Variants in PAWR observed in about 807,000 individuals in gnomAD.
The protein encoded by PAWR is PRKC apoptosis WT1 regulator protein.
In PAWR, 23 loss-of-function variants were observed where a neutral mutation model predicts 32.0. The observed-to-expected ratio is 0.72, with a 90% CI of 0.52 to 1.02. PAWR has a LOEUF of 1.02. Ranked by LOEUF, PAWR falls within the 50% of genes least tolerant of loss-of-function variation. The pLI, the probability that PAWR is intolerant of heterozygous loss-of-function variation, is 0.00. For synonymous variants in PAWR, 226 were observed against 187.1 expected, an observed-to-expected ratio of 1.21 and a Z score of -1.70; for missense variants, 457 against 437.7, an observed-to-expected ratio of 1.04 and a Z score of -0.39.
At position 79,587,598 on chromosome 12, in the gene PAWR, CT is replaced by C. The variant is rs1393729131; in HGVS notation, c.*5008del. The stretch of plus-strand genomic sequence containing the variant: ...AACCCCACCACTAATGTATTTAGAC[CT>C]TAATATGATGGCTTTGAGTCTTAAA... On this transcript the variant is annotated 3_prime_UTR_variant, in exon 7 of 7. Coordinates refer to ENST00000328827, the MANE Select transcript of PAWR (RefSeq NM_002583.4). The C allele has an allele frequency of 1.3e-5, 2 of 152,014 alleles. No individual in the cohort carries two copies. The highest frequency in any genetic ancestry group is 3.9e-4 in the East Asian group (2 of 5,176). 9.4% of individuals were successfully genotyped at this position (152,014 alleles called of 1,614,324 possible). A position where few individuals can be genotyped will look rare whatever the true frequency, so the allele number is the denominator to read the frequency against.
chr12:79,641,772 G>A (rs1485936905), intron 2 of PAWR, among the ~76,000 whole-genome samples: 1 of 142,376 alleles, frequency 7.0e-6, no homozygotes, highest in Non-Finnish European at 1.5e-5. Flanking sequence ...ACGTGGACCA[G>A]GGAGTTGGAG....
intron 3 of PAWR, among the ~76,000 whole-genome samples, chr12:79,613,971 ATATATATATTTTTTTTTTTTTTTTTTTT>A: frequency 1.1e-4 from 1 of 9,292 alleles, no homozygotes; most frequent in African/African-American, 7.6e-4. Context: ...ATATATATAT[ATATATATATTTTTTTTTTTTTTTTTTTT>A]TTTTTTTTTT....
At chr12:79,677,156 T>C (rs1221441773) in intron 2 of PAWR, among the ~76,000 whole-genome samples, 1 of 152,128 alleles carries the variant, frequency 6.6e-6, no homozygotes, top group African/African-American at 2.4e-5. Context: ...ACTAACAAGG[T>C]AGTAAATGTA....
chr12:79,592,361 CA>C lies in PAWR; in HGVS notation c.*245del, dbSNP rs368751647. 1.9e-3 allele frequency: 707 copies of C among 370,382 alleles called. 12 individuals carry two copies. Among genetic ancestry groups the C allele is most frequent in the African/African-American group, 0.014 (638 of 46,078 alleles). 22.9% of individuals were successfully genotyped at this position (370,382 alleles called of 1,614,324 possible). Reference sequence around the variant, plus strand: ...GTATTAGTTGAATACCACACAAAACCAAAAAGGCATTATCTATCATTTAATA... The same window carrying C: ...GTATTAGTTGAATACCACACAAAACCAAAAGGCATTATCTATCATTTAATA... On this transcript the variant is annotated 3_prime_UTR_variant, in exon 7 of 7. Transcript: ENST00000328827.
chr12:79,596,173 G>C (rs964257856), intron 5 of PAWR, among the ~76,000 whole-genome samples: 1 of 152,126 alleles, frequency 6.6e-6, no homozygotes, highest in African/African-American at 2.4e-5. Context: ...CATCTGACTT[G>C]CACTGAAAGA....
intron 2 of PAWR, among the ~76,000 whole-genome samples, chr12:79,657,077 T>C (rs554270987): frequency 6.6e-6 from 1 of 152,012 alleles, no homozygotes; most frequent in South Asian, 2.1e-4. Context: ...ATCCGAAAGG[T>C]TGAAGGAATA....
intron 2 of PAWR, among the ~76,000 whole-genome samples, chr12:79,641,289 A>T (rs79204856): frequency 0.023 from 3,520 of 152,262 alleles, 134 homozygotes; most frequent in East Asian, 0.18. Context: ...AAACTCTTCT[A>T]ACCTTCACAA....
At chr12:79,620,303 T>C (rs1874942134) in intron 3 of PAWR, among the ~76,000 whole-genome samples, 1 of 152,188 alleles carries the variant, frequency 6.6e-6, no homozygotes, top group Non-Finnish European at 1.5e-5. Flanking sequence ...CTTTCCTGAA[T>C]AATTAAGTCC....
chr12:79,618,296 T>C (rs1358684145), intron 3 of PAWR, among the ~76,000 whole-genome samples: 1 of 152,088 alleles, frequency 6.6e-6, no homozygotes, highest in Non-Finnish European at 1.5e-5. Context: ...GCTCAGCTAA[T>C]TGTTGTATTT....
intron 2 of PAWR, among the ~76,000 whole-genome samples, chr12:79,686,863 C>A (rs1878704866): frequency 6.6e-6 from 1 of 152,126 alleles, no homozygotes; most frequent in African/African-American, 2.4e-5. Context: ...TAACTCAGTA[C>A]TTAAATTTTT....
At chr12:79,678,960 T>G (rs774650426) in intron 2 of PAWR, among the ~76,000 whole-genome samples, 3 of 151,102 alleles carry the variant, frequency 2.0e-5, no homozygotes, top group Admixed American at 6.6e-5. Context: ...TGCAGTGGCA[T>G]TATCATAGCT....
At chr12:79,662,040 T>C (rs894120263) in intron 2 of PAWR, among the ~76,000 whole-genome samples, 4 of 152,072 alleles carry the variant, frequency 2.6e-5, no homozygotes, top group African/African-American at 9.7e-5. Context: ...TCAGGGCATA[T>C]TACCTAAATG....
intron 2 of PAWR, among the ~76,000 whole-genome samples, chr12:79,661,852 T>C (rs1282951631): frequency 6.6e-6 from 1 of 152,108 alleles, no homozygotes; most frequent in African/African-American, 2.4e-5. Context: ...AATTATAATA[T>C]AGTAGGGTTA....
In PAWR at chr12:79,689,989, G is replaced by C; in HGVS notation, c.256C>G (p.Pro86Ala). The C allele has an allele frequency of 1.5e-6, 2 of 1,317,860 alleles. No individual in the cohort carries two copies. Among genetic ancestry groups the C allele is most frequent in the Non-Finnish European group, 1.9e-6 (2 of 1,040,000 alleles). 81.6% of individuals were successfully genotyped at this position (1,317,860 alleles called of 1,614,324 possible). Reference protein sequence around the residue: ...GAPAAPAVPGPGGVNCAVGSA... With the variant: ...GAPAAPAVPGAGGVNCAVGSA... ...CCGACCGCGCAGTTCACGCCCCCGG[G>C]ACCGGGGACGGCAGGTGCGGCCGGC... Residue 86 changes from proline (P) to alanine (A), a missense_variant, in exon 2 of 7, where the codon CCC becomes GCC. Coordinates refer to ENST00000328827, the MANE Select transcript of PAWR (RefSeq NM_002583.4).
At position 79,589,138 on chromosome 12, in the gene PAWR, A is replaced by T. The variant is rs960199884; in HGVS notation, c.*3469T>A. 1.3e-5 allele frequency: 2 copies of T among 151,858 alleles called. No homozygotes were observed. Among genetic ancestry groups the T allele is most frequent in the African/African-American group, 4.8e-5 (2 of 41,388 alleles). 9.4% of individuals were successfully genotyped at this position (151,858 alleles called of 1,614,324 possible). A position where few individuals can be genotyped will look rare whatever the true frequency, so the allele number is the denominator to read the frequency against. On this transcript the variant is annotated 3_prime_UTR_variant, in exon 7 of 7. Coordinates refer to ENST00000328827, the MANE Select transcript of PAWR (RefSeq NM_002583.4). ...ACTACATGCAACTTACTGGTCACCA[A>T]CTCAGAACCCATAAAACTATACACA...
intron 3 of PAWR, 32 bp downstream of exon 3, chr12:79,621,035 TTAAAATAGA>T: frequency 6.6e-7 from 1 of 1,504,924 alleles, no homozygotes; most frequent in Non-Finnish European, 9.0e-7. Context: ...AAAATTGCCA[TTAAAATAGA>T]TAGTGACTTC....
chr12:79,590,745 C>G lies in PAWR; in HGVS notation c.*1862G>C, dbSNP rs932828787. 6 of 152,206 alleles carry G rather than the reference C, an allele frequency of 3.9e-5. No homozygotes were observed. Among genetic ancestry groups the G allele is most frequent in the African/African-American group, 1.4e-4 (6 of 41,462 alleles). 9.4% of individuals were successfully genotyped at this position (152,206 alleles called of 1,614,324 possible). Reference sequence around the variant, plus strand: ...GTACCTCACAACCAAAAGCAGTTAACTATGCCTGGCATACCACCCTGTCAT... The same window carrying G: ...GTACCTCACAACCAAAAGCAGTTAAGTATGCCTGGCATACCACCCTGTCAT... On this transcript the variant is annotated 3_prime_UTR_variant, in exon 7 of 7. Transcript: ENST00000328827.
intron 2 of PAWR, among the ~76,000 whole-genome samples, chr12:79,639,939 C>CT (rs1418612376): frequency 6.8e-6 from 1 of 146,484 alleles, no homozygotes. Context: ...GAGTCTCACT[C>CT]TATCGCCCAG....
intron 3 of PAWR, among the ~76,000 whole-genome samples, chr12:79,617,314 T>C (rs1182786412): frequency 6.6e-6 from 1 of 152,118 alleles, no homozygotes; most frequent in South Asian, 2.1e-4. Flanking sequence ...ATCATGCCAC[T>C]GCACTCCAGC....
Sources: gnomAD v4.1 joint callset for allele counts (sites outside exome capture counted in the v4.1 genomes callset) on GRCh38, gnomAD v4.1.1 for gene constraint, MANE v1.5 for transcripts, NCBI Gene and HGNC (gene_info 2026-07-23, HGNC 2026-07-21) for gene names.